The following DEPTOR variants were observed in gnomAD, a reference collection of about 807,000 sequenced individuals.
DEPTOR encodes DEP domain containing MTOR interacting protein, also known as DEP domain-containing mTOR-interacting protein.
Under a neutral mutation model 41.6 loss-of-function variants are expected in DEPTOR, and 41 were observed. That is an observed-to-expected ratio of 0.98 (90% confidence interval 0.77 to 1.28). The LOEUF (loss-of-function observed/expected upper bound fraction) is 1.28, where lower values mean the gene tolerates loss of function less well. DEPTOR is among the 50% of genes most tolerant of loss of function. The pLI, the probability that DEPTOR is intolerant of heterozygous loss-of-function variation, is 0.00. For missense variants in DEPTOR, 514 were observed against 527.9 expected (o/e 0.97, Z 0.26); for synonymous variants, 195 against 192.3 (o/e 1.01, Z -0.12).
chr8:119,929,246 G>T (rs147092743), intron 2 of DEPTOR, among the ~76,000 whole-genome samples: 1 of 151,994 alleles, frequency 6.6e-6, no homozygotes, highest in Non-Finnish European at 1.5e-5. Flanking sequence ...CGTTCTCTTG[G>T]AATACCCTTT....
At chr8:119,941,225 T>C (rs1282750016) in intron 3 of DEPTOR, among the ~76,000 whole-genome samples, 42 of 151,712 alleles carry the variant, frequency 2.8e-4, no homozygotes, top group African/African-American at 9.7e-4. Context: ...TACAAAAAAT[T>C]AGCCAGGCAT....
At chr8:120,030,103 C>A (rs943008029) in intron 8 of DEPTOR, among the ~76,000 whole-genome samples, 1 of 152,090 alleles carries the variant, frequency 6.6e-6, no homozygotes, top group Non-Finnish European at 1.5e-5. Flanking sequence ...CAAACCATAT[C>A]CTCGTAAGCC....
chr8:120,036,366 C>G (rs1812979425), intron 8 of DEPTOR, among the ~76,000 whole-genome samples: 1 of 152,202 alleles, frequency 6.6e-6, no homozygotes, highest in African/African-American at 2.4e-5. Context: ...GGGGGCACCG[C>G]ATAGCCCTAT....
chr8:119,931,125 C>A (rs1586620419), intron 3 of DEPTOR, among the ~76,000 whole-genome samples: 1 of 151,958 alleles, frequency 6.6e-6, no homozygotes, highest in Admixed American at 6.6e-5. Context: ...GTACGAGAAT[C>A]GCTTGAAACC....
At chr8:119,939,262 C>T (rs1018641910) in intron 3 of DEPTOR, among the ~76,000 whole-genome samples, 2 of 152,178 alleles carry the variant, frequency 1.3e-5, no homozygotes, top group Non-Finnish European at 2.9e-5. Flanking sequence ...GCTCGCTCAT[C>T]TTCTGTAGCG....
intron 1 of DEPTOR, among the ~76,000 whole-genome samples, chr8:119,889,678 G>C (rs1586600131): frequency 7.3e-6 from 1 of 137,106 alleles, no homozygotes; most frequent in Admixed American, 7.3e-5. Flanking sequence ...GGGGAGAGGA[G>C]GGGAGGACAG....
At chr8:120,016,408 C>T (rs1196773945) in intron 8 of DEPTOR, among the ~76,000 whole-genome samples, 1 of 151,956 alleles carries the variant, frequency 6.6e-6, no homozygotes, top group African/African-American at 2.4e-5. Flanking sequence ...AAGTGATTCT[C>T]CTGCCTCAGC....
At chr8:119,991,034 CT>C (rs762692903) in intron 4 of DEPTOR, among the ~76,000 whole-genome samples, 1 of 26,958 alleles carries the variant, frequency 3.7e-5, no homozygotes, top group Non-Finnish European at 8.0e-5. Context: ...GTTTTCTTTT[CT>C]TTCTTTCTTT....
At chr8:120,015,690 G>A (rs1021772323) in intron 8 of DEPTOR, among the ~76,000 whole-genome samples, 1 of 152,126 alleles carries the variant, frequency 6.6e-6, no homozygotes, top group Non-Finnish European at 1.5e-5. Flanking sequence ...ATGCTCACCC[G>A]TACAGAGACA....
In DEPTOR at chr8:120,009,042, C is replaced by A. The variant is rs747255387; in HGVS notation, c.1010C>A (p.Ala337Glu). Reference sequence around the variant, plus strand: ...TTTCCTCTCTAGATTGTTGGTGACGCGGTTGGCTGGGGTTTTGTGGTGCGA... The same window carrying A: ...TTTCCTCTCTAGATTGTTGGTGACGAGGTTGGCTGGGGTTTTGTGGTGCGA... The part of the protein sequence containing the change: ...ARKTFTIVGD[A>E]VGWGFVVRGS... Residue 337 changes from alanine to glutamate, a missense_variant, in exon 8 of 9, where the codon GCG becomes GAG. Physicochemically the swap from Ala to Glu is moderately radical, Grantham distance 107 (BLOSUM62 -1). Transcript: ENST00000286234. The A allele has an allele frequency of 3.7e-6, 6 of 1,613,894 alleles. No individual in the cohort carries two copies. In the Admixed American group the frequency reaches 1.0e-4, roughly 27 times the overall value.
chr8:119,889,395 A>G (rs1300543803), intron 1 of DEPTOR, among the ~76,000 whole-genome samples: 1 of 151,118 alleles, frequency 6.6e-6, no homozygotes, highest in African/African-American at 2.4e-5. Context: ...GAAATTTTAA[A>G]AATTAGCCAG....
intron 8 of DEPTOR, among the ~76,000 whole-genome samples, chr8:120,047,417 G>T (rs1325168745): frequency 6.6e-6 from 1 of 152,016 alleles, no homozygotes; most frequent in East Asian, 1.9e-4. Flanking sequence ...GCCCAGGCTG[G>T]AGTGCAATGG....
intron 1 of DEPTOR, among the ~76,000 whole-genome samples, chr8:119,912,499 C>T (rs16893285): frequency 0.22 from 33,425 of 152,144 alleles, 4,251 homozygotes; most frequent in African/African-American, 0.34. Flanking sequence ...AAGCTGCCTC[C>T]GCGATAGCTG....
At chr8:119,959,193 C>T (rs778644616) in intron 3 of DEPTOR, among the ~76,000 whole-genome samples, 2 of 123,992 alleles carry the variant, frequency 1.6e-5, no homozygotes, top group Non-Finnish European at 3.2e-5. Flanking sequence ...GACAGAATCT[C>T]GCTCTGTCAC....
intron 4 of DEPTOR, among the ~76,000 whole-genome samples, chr8:119,994,514 T>A (rs1812225502): frequency 6.6e-6 from 1 of 152,210 alleles, no homozygotes; most frequent in African/African-American, 2.4e-5. Context: ...AGTTTGAATA[T>A]CTTCCAGTGG....
chr8:119,938,721 G>GTTGGCCAGT (rs1399125878), intron 3 of DEPTOR, among the ~76,000 whole-genome samples: 2 of 151,982 alleles, frequency 1.3e-5, no homozygotes, highest in African/African-American at 4.8e-5. Flanking sequence ...GGTTGGCCAG[G>GTTGGCCAGT]TTGGTCTCAG....
intron 1 of DEPTOR, among the ~76,000 whole-genome samples, chr8:119,887,843 C>G (rs1827393312): frequency 6.6e-6 from 1 of 151,532 alleles, no homozygotes; most frequent in Admixed American, 6.6e-5. Flanking sequence ...TTTTTGGACA[C>G]ATGGTCTTGC....
At chr8:120,029,366 T>C (rs1266863711) in intron 8 of DEPTOR, among the ~76,000 whole-genome samples, 2 of 152,174 alleles carry the variant, frequency 1.3e-5, no homozygotes, top group Non-Finnish European at 2.9e-5. Flanking sequence ...AATTCAAATA[T>C]GCTTTGAGTC....
intron 3 of DEPTOR, among the ~76,000 whole-genome samples, chr8:119,940,091 C>T (rs1828182970): frequency 6.6e-6 from 1 of 152,028 alleles, no homozygotes; most frequent in South Asian, 2.1e-4. Context: ...GTGGTGCATG[C>T]CTGTAATCCC....
Sources: allele counts gnomAD v4.1 joint callset (sites outside exome capture counted in the v4.1 genomes callset), GRCh38; gene constraint gnomAD v4.1.1; transcripts MANE v1.5; gene names NCBI Gene and HGNC (gene_info 2026-07-23, HGNC 2026-07-21).